The following PLEKHH1 variants were observed in gnomAD, a reference collection of about 807,000 sequenced individuals.
PLEKHH1 encodes pleckstrin homology domain-containing family H member 1.
PLEKHH1 carries 104 observed loss-of-function variants against 160.0 expected under a neutral mutation model. The ratio of observed to expected loss-of-function variants is 0.65; its 90% CI spans 0.55 to 0.76. The LOEUF (loss-of-function observed/expected upper bound fraction) is 0.76, where lower values mean the gene tolerates loss of function less well. Among genes scored for constraint, PLEKHH1 ranks in the 30% least tolerant of loss-of-function variants. The pLI is 0.00. For missense variants in PLEKHH1, 1,427 were observed against 1,724.1 expected, an observed-to-expected ratio of 0.83 and a Z score of 3.05; for synonymous variants, 619 against 678.4, an observed-to-expected ratio of 0.91 and a Z score of 1.36.
chr14:67,564,951 A>G (rs1271099532), intron 7 of PLEKHH1, among the ~76,000 whole-genome samples: 1 of 152,204 alleles, frequency 6.6e-6, no homozygotes, highest in Non-Finnish European at 1.5e-5. Flanking sequence ...TTGACCTCCC[A>G]AAGTGCTGGG....
intron 27 of PLEKHH1, 71 bp downstream of exon 27, chr14:67,585,725 A>C (rs879775093): frequency 6.5e-6 from 8 of 1,239,708 alleles, no homozygotes; most frequent in Non-Finnish European, 9.2e-6. Flanking sequence ...TCCTCTGTGG[A>C]CTCAAAAGCC....
chr14:67,578,046 G>T lies in PLEKHH1; in HGVS notation c.2598G>T (p.Val866=). 1 of 1,613,702 alleles carries T rather than the reference G, an allele frequency of 6.2e-7. No individual in the cohort carries two copies. Among genetic ancestry groups the T allele is most frequent in the Non-Finnish European group, 8.5e-7 (1 of 1,179,832 alleles). ...AGTCCTGCCAGCTCTTCATCAACGTGCCGGTGGAAGCTGCCTCGGTGGACT... is the reference window on the plus strand; with the variant it reads ...AGTCCTGCCAGCTCTTCATCAACGTTCCGGTGGAAGCTGCCTCGGTGGACT... ...LFKSCQLFIN[V]PVEAASVDYH... Residue 866 remains valine (V), a synonymous_variant, in exon 19 of 29, where the codon GTG becomes GTT. Coordinates refer to ENST00000329153, the MANE Select transcript of PLEKHH1 (RefSeq NM_020715.3). The surrounding 1 kb of genome is among the most constrained non-coding windows in gnomAD (Gnocchi z 5.0).
At chr14:67,571,929 G>C (rs745890638) in intron 10 of PLEKHH1, 27 bp downstream of exon 10, 26 of 1,585,780 alleles carry the variant, frequency 1.6e-5, no homozygotes, top group Non-Finnish European at 2.0e-5. Flanking sequence ...CAGGGGCAGG[G>C]TGCAGCAGCA....
chr14:67,570,466 A>T (rs535796834), intron 9 of PLEKHH1: 97 of 187,352 alleles, frequency 5.2e-4, no homozygotes, highest in Non-Finnish European at 9.1e-4. Context: ...TACTTGATAA[A>T]ATTTTTTATA....
rs2036291315 is a variant in PLEKHH1 at position 67,589,274 on chromosome 14, A to AATCTT, written c.*2042_*2046dup. On this transcript the variant is annotated 3_prime_UTR_variant, in exon 29 of 29. Coordinates refer to ENST00000329153, the MANE Select transcript of PLEKHH1 (RefSeq NM_020715.3). Reference sequence around the variant, plus strand: ...CCCTTCAGGAACCCTTTAGTTTATTAATCTTATACAGAAGAAACTAACTTA... The same window carrying AATCTT: ...CCCTTCAGGAACCCTTTAGTTTATTAATCTTATCTTATACAGAAGAAACTAACTTA... 2 of 874,300 alleles carry AATCTT rather than the reference A, an allele frequency of 2.3e-6. No homozygotes were observed. The highest frequency in any genetic ancestry group is 2.7e-6 in the Non-Finnish European group (2 of 728,658). 54.2% of individuals were successfully genotyped at this position (874,300 alleles called of 1,614,324 possible). A position where few individuals can be genotyped will look rare whatever the true frequency, so the allele number is the denominator to read the frequency against.
intron 2 of PLEKHH1, among the ~76,000 whole-genome samples, chr14:67,554,087 C>T (rs545790627): frequency 2.0e-5 from 3 of 152,168 alleles, no homozygotes; most frequent in African/African-American, 7.2e-5. Flanking sequence ...GAATGTGCCC[C>T]GAAAGCATCT....
rs1369386560 is a variant in PLEKHH1, at chr14:67,582,968, G to A, written c.3426+758G>A. On this transcript the variant is annotated intron_variant, in intron 24 of 28. Coordinates refer to ENST00000329153, the MANE Select transcript of PLEKHH1 (RefSeq NM_020715.3). This position sits in a 1 kb window ranked among gnomAD's most constrained non-coding sequence, Gnocchi z 5.0. ...CTTCATAAACCATCAGACCTTCTAA[G>A]TAGACTTAGGAAGAGGAACACACAT... Among the ~76,000 whole-genome samples the A allele has an allele frequency of 6.6e-6, 1 of 152,194 alleles. No homozygotes were observed. The highest frequency in any genetic ancestry group is 1.5e-5 in the Non-Finnish European group (1 of 68,036).
intron 1 of PLEKHH1, among the ~76,000 whole-genome samples, chr14:67,539,549 T>A (rs1339665608): frequency 6.6e-6 from 1 of 152,202 alleles, no homozygotes; most frequent in Non-Finnish European, 1.5e-5. Context: ...TCAGAATATT[T>A]GAGCCCAAGA....
chr14:67,569,265 G>A, intron 8 of PLEKHH1, 49 bp downstream of exon 8: 1 of 1,398,442 alleles, frequency 7.2e-7, no homozygotes. Flanking sequence ...AGGTGGGCAG[G>A]GTGGGCAAGC....
intron 4 of PLEKHH1, 142 bp from the exon 5 acceptor site, chr14:67,559,466 A>G (rs2034732859): frequency 1.6e-6 from 1 of 614,478 alleles, no homozygotes; most frequent in Non-Finnish European, 3.0e-6. Context: ...TTATCAAATA[A>G]TATTTCAACA....
chr14:67,581,135 G>T, intron 23 of PLEKHH1, 97 bp downstream of exon 23: 2 of 772,670 alleles, frequency 2.6e-6, no homozygotes, highest in Non-Finnish European at 2.3e-6. Context: ...CAGACGGGGG[G>T]AGGGACCCAC....
At chr14:67,534,423 T>TA (rs2033613083) in intron 1 of PLEKHH1, among the ~76,000 whole-genome samples, 1 of 151,866 alleles carries the variant, frequency 6.6e-6, no homozygotes, top group South Asian at 2.1e-4. Context: ...TACAAATAAA[T>TA]AAAAATTTAA....
chr14:67,572,337 C>G, intron 11 of PLEKHH1, 60 bp downstream of exon 11: 2 of 1,477,414 alleles, frequency 1.4e-6, no homozygotes, highest in East Asian at 4.9e-5. Flanking sequence ...GCTGCTGGGG[C>G]CCTCAGCACA....
At chr14:67,586,549 G>C in intron 28 of PLEKHH1, 2 of 617,424 alleles carry the variant, frequency 3.2e-6, no homozygotes, top group South Asian at 1.5e-5. Context: ...TTGTGGGGAA[G>C]ACCGCAAAAA....
In PLEKHH1 at chr14:67,573,844, C is replaced by T. The variant is rs1368953507; in HGVS notation, c.1883C>T (p.Ser628Phe). Reference protein sequence around the residue: ...RKPQGQVDLNSRCQIVRGEGS... With the variant: ...RKPQGQVDLNFRCQIVRGEGS... ...CCTCAAGGCCAAGTGGATCTGAACT[C>T]CCGCTGCCAAATTGTTCGAGGGGAG... The change falls in exon 13 of 29, where the codon TCC becomes TTC. Residue 628 changes from serine (S) to phenylalanine (F), a missense_variant. Transcript: ENST00000329153. The surrounding 1 kb of genome is among the most constrained non-coding windows in gnomAD (Gnocchi z 4.8). 6.2e-7 allele frequency: 1 copy of T among 1,613,758 alleles called. No individual in the cohort carries two copies. Among genetic ancestry groups the T allele is most frequent in the Non-Finnish European group, 8.5e-7 (1 of 1,179,684 alleles).
intron 4 of PLEKHH1, among the ~76,000 whole-genome samples, chr14:67,557,956 G>A (rs1382608526): frequency 3.9e-5 from 6 of 152,210 alleles, no homozygotes; most frequent in Admixed American, 2.0e-4. Context: ...GTTGCCCAAA[G>A]TTTCTTAGTG....
Position 67,575,669 on chromosome 14 carries a change from G to A in PLEKHH1, c.2170-154G>A, listed in dbSNP as rs971773092. ...TTCTCCAAGCAAGCCTCATTCTGCT[G>A]CCAGCCTGGCTGGGATGCTATAGTC... is the stretch of plus-strand genomic sequence containing the variant. On this transcript the variant is annotated intron_variant, in intron 15 of 28. Transcript: ENST00000329153. 1.3e-4 allele frequency: 92 copies of A among 713,690 alleles called. No homozygotes were observed. In the Admixed American group the frequency reaches 1.9e-3, roughly 15 times the overall value. 44.2% of individuals were successfully genotyped at this position (713,690 alleles called of 1,614,324 possible). A position where few individuals can be genotyped will look rare whatever the true frequency, so the allele number is the denominator to read the frequency against.
Position 67,542,013 on chromosome 14 carries a change from G to T in PLEKHH1, c.126+20G>T. The T allele has an allele frequency of 6.3e-7, 1 of 1,581,184 alleles. No homozygotes were observed. Among genetic ancestry groups the T allele is most frequent in the South Asian group, 1.2e-5 (1 of 86,150 alleles). On this transcript the variant is annotated intron_variant, in intron 2 of 28. Coordinates refer to ENST00000329153, the MANE Select transcript of PLEKHH1 (RefSeq NM_020715.3). ...GACAAGGTGAGTCCCTCAGAGCAGG[G>T]AGCTGCCTCTCCACACGCAGAGGTT... is the stretch of plus-strand genomic sequence containing the variant.
At chr14:67,579,026 C>G in intron 20 of PLEKHH1, 108 bp from the exon 21 acceptor site, 1 of 744,846 alleles carries the variant, frequency 1.3e-6, no homozygotes, top group Non-Finnish European at 2.2e-6. Context: ...TTCTCACAAC[C>G]TGCCCCAGCT....
Sources: gnomAD v4.1 joint callset for allele counts (sites outside exome capture counted in the v4.1 genomes callset) on GRCh38, gnomAD v4.1.1 for gene constraint, Gnocchi (gnomAD v3.1) non-coding constraint, MANE v1.5 for transcripts, NCBI Gene and HGNC (gene_info 2026-07-23, HGNC 2026-07-21) for gene names.